Variants in SDK1 observed in about 807,000 individuals in gnomAD.
The protein encoded by SDK1 is protein sidekick-1.
In SDK1, 157 loss-of-function variants were observed where a neutral mutation model predicts 245.5. The observed-to-expected ratio is 0.64, with a 90% CI of 0.56 to 0.73. SDK1 has a LOEUF of 0.73. SDK1 is among the 30% of genes least tolerant of loss of function. The pLI is 0.00. For missense variants in SDK1, 3,583 were observed against 3,002.3 expected (o/e 1.19, Z -4.52); for synonymous variants, 1,647 against 1,278.5 (o/e 1.29, Z -6.15).
chr7:3,599,102 T>G (rs1418794755), intron 1 of SDK1, among the ~76,000 whole-genome samples: 1 of 150,368 alleles, frequency 6.7e-6, no homozygotes, highest in Non-Finnish European at 1.5e-5. Context: ...TTTTTTTTTT[T>G]TTTTTTTTTT....
intron 4 of SDK1, among the ~76,000 whole-genome samples, chr7:3,667,682 T>C (rs1415174958): frequency 1.3e-5 from 2 of 152,256 alleles, no homozygotes; most frequent in South Asian, 2.1e-4. Context: ...AAATATCTTA[T>C]GAATGGGATC....
In SDK1 at chr7:3,951,861, C is replaced by T. The variant is rs76259242; in HGVS notation, c.1091C>T (p.Ala364Val). Residue 364 changes from alanine to valine, a missense_variant, in exon 7 of 45, where the codon GCG (alanine) becomes GTG (valine). Ala to Val is a moderately conservative substitution (Grantham distance 64). Coordinates refer to ENST00000404826, the MANE Select transcript of SDK1 (RefSeq NM_152744.4). ...GACACCGGGCCATACGTCTGCGAGGCGGCGCTGCCGGGGAGCGCTTTTGAA... is the reference window on the plus strand; with the variant it reads ...GACACCGGGCCATACGTCTGCGAGGTGGCGCTGCCGGGGAGCGCTTTTGAA... The part of the protein sequence containing the change: ...SADTGPYVCE[A>V]ALPGSAFEPA... The T allele has an allele frequency of 8.3e-3, 13,372 of 1,613,650 alleles. 85 individuals are homozygous for T. Among genetic ancestry groups the T allele is most frequent in the Middle Eastern group, 0.016 (99 of 6,062 alleles).
At chr7:4,003,579 A>T (rs1038370968) in intron 14 of SDK1, among the ~76,000 whole-genome samples, 4 of 152,168 alleles carry the variant, frequency 2.6e-5, no homozygotes, top group African/African-American at 9.7e-5. Context: ...CTAGACCAGG[A>T]TTATGGGGCT....
intron 4 of SDK1, among the ~76,000 whole-genome samples, chr7:3,711,923 G>A (rs1331830152): frequency 2.0e-5 from 3 of 152,174 alleles, no homozygotes; most frequent in Non-Finnish European, 4.4e-5. Context: ...TCCTGTGCGG[G>A]CAAGTTACTT....
intron 32 of SDK1, among the ~76,000 whole-genome samples, 196 bp downstream of exon 32, chr7:4,162,052 A>T (rs1354031733): frequency 1.3e-5 from 2 of 151,978 alleles, no homozygotes; most frequent in African/African-American, 4.8e-5. Context: ...TAATTTCCAA[A>T]ACATTAGAAG....
Position 3,346,823 on chromosome 7 carries a change from A to ATTTT in SDK1, c.298+44940_298+44941insTTTT, listed in dbSNP as rs1461297067. ...TGTGTGTGTGTATATATATATATAT[A>ATTTT]TATATTTTTTTTTTTTTTTTTTTTT... On this transcript the variant is annotated intron_variant, in intron 1 of 44. Coordinates refer to ENST00000404826, the MANE Select transcript of SDK1 (RefSeq NM_152744.4). Among the ~76,000 whole-genome samples the ATTTT allele has an allele frequency of 7.6e-3, 215 of 28,124 alleles. 2 individuals carry two copies. Among genetic ancestry groups the ATTTT allele is most frequent in the Non-Finnish European group, 0.013 (179 of 14,304 alleles). The allele number at this position is 28,124 out of a possible 152,430, so 18.5% of individuals were successfully genotyped here. A position where few individuals can be genotyped will look rare whatever the true frequency, so the allele number is the denominator to read the frequency against.
chr7:3,448,887 C>G (rs1440248135), intron 1 of SDK1, among the ~76,000 whole-genome samples: 1 of 152,140 alleles, frequency 6.6e-6, no homozygotes, highest in Non-Finnish European at 1.5e-5. Flanking sequence ...ACCTGTTACT[C>G]TTTATTGTTT....
intron 4 of SDK1, among the ~76,000 whole-genome samples, chr7:3,767,140 C>G (rs796561700): frequency 1.6e-4 from 24 of 152,210 alleles, no homozygotes; most frequent in African/African-American, 5.3e-4. Flanking sequence ...TCTAAGGCAT[C>G]TAGAGGAGAA....
intron 1 of SDK1, among the ~76,000 whole-genome samples, chr7:3,571,634 C>T (rs1049237129): frequency 6.6e-6 from 1 of 151,998 alleles, no homozygotes; most frequent in South Asian, 2.1e-4. Context: ...ACAGTTTGTT[C>T]TAAGGGAATT....
chr7:4,069,541 A>G (rs570601159), intron 20 of SDK1, among the ~76,000 whole-genome samples: 2 of 152,192 alleles, frequency 1.3e-5, no homozygotes, highest in Non-Finnish European at 2.9e-5. Context: ...CCGTGGTGGC[A>G]GCGTTCTCAG....
chr7:3,390,002 T>C (rs925576936), intron 1 of SDK1, among the ~76,000 whole-genome samples: 1 of 152,058 alleles, frequency 6.6e-6, no homozygotes, highest in African/African-American at 2.4e-5. Flanking sequence ...TGGGGGAAAG[T>C]GGATCATTGT....
chr7:4,041,392 C>T (rs1051888537), intron 17 of SDK1, among the ~76,000 whole-genome samples: 1 of 151,940 alleles, frequency 6.6e-6, no homozygotes, highest in Non-Finnish European at 1.5e-5. Context: ...GCCTCTCCCA[C>T]TATCAGCATC....
At chr7:3,841,709 C>G (rs185595222) in intron 5 of SDK1, among the ~76,000 whole-genome samples, 2 of 151,976 alleles carry the variant, frequency 1.3e-5, no homozygotes, top group Admixed American at 1.3e-4. Flanking sequence ...ATTATAGGTG[C>G]CCGCCACCAT....
intron 4 of SDK1, among the ~76,000 whole-genome samples, chr7:3,685,890 A>G (rs1784267504): frequency 6.6e-6 from 1 of 152,128 alleles, no homozygotes; most frequent in Non-Finnish European, 1.5e-5. Context: ...TGGCACGTTT[A>G]ACATGCATAT....
At chr7:3,408,725 C>G (rs935835862) in intron 1 of SDK1, among the ~76,000 whole-genome samples, 1 of 152,234 alleles carries the variant, frequency 6.6e-6, no homozygotes, top group Non-Finnish European at 1.5e-5. Context: ...CTACAAATTG[C>G]TCTATTTATG....
intron 4 of SDK1, among the ~76,000 whole-genome samples, chr7:3,655,719 T>A (rs1783162171): frequency 2.0e-5 from 3 of 151,698 alleles, no homozygotes; most frequent in African/African-American, 4.8e-5. Context: ...AAGTGTTTCT[T>A]GGATGAATAT....
At chr7:3,980,508 A>AT (rs1171092838) in intron 13 of SDK1, among the ~76,000 whole-genome samples, 1 of 152,220 alleles carries the variant, frequency 6.6e-6, no homozygotes, top group Non-Finnish European at 1.5e-5. Flanking sequence ...TGGCAGAGTA[A>AT]TGCTTCGACG....
At chr7:4,200,103 A>C (rs901682026) in intron 35 of SDK1, among the ~76,000 whole-genome samples, 3 of 151,954 alleles carry the variant, frequency 2.0e-5, no homozygotes, top group African/African-American at 7.3e-5. Flanking sequence ...CCCCCACCCC[A>C]CAAAAAAAGG....
At chr7:4,245,646 G>T (rs755724465) in intron 43 of SDK1, 30 bp from the exon 44 acceptor site, 1 of 1,608,822 alleles carries the variant, frequency 6.2e-7, no homozygotes, top group Non-Finnish European at 8.5e-7. Context: ...TTTGCCCAGA[G>T]GGTAATTGCA....
Sources: gnomAD v4.1 joint callset for allele counts (sites outside exome capture counted in the v4.1 genomes callset) on GRCh38, gnomAD v4.1.1 for gene constraint, MANE v1.5 for transcripts, NCBI Gene and HGNC (gene_info 2026-07-23, HGNC 2026-07-21) for gene names.